PPME1: variants seen among roughly 807,000 people sequenced by gnomAD.
PPME1 encodes testicular secretory protein Li 39.
Under a neutral mutation model 56.9 loss-of-function variants are expected in PPME1, and 17 were observed. The ratio of observed to expected loss-of-function variants is 0.30; its 90% confidence interval spans 0.20 to 0.45. PPME1 has a LOEUF of 0.45. Among genes scored for constraint, PPME1 ranks in the 20% least tolerant of loss-of-function variants. The pLI is 1.00. For synonymous variants in PPME1, 122 were observed against 156.2 expected (o/e 0.78, Z 1.63); for missense variants, 357 against 483.2 (o/e 0.74, Z 2.45).
chr11:74,203,490 A>C (rs768925859), intron 1 of PPME1, among the ~76,000 whole-genome samples: 1 of 152,168 alleles, frequency 6.6e-6, no homozygotes, highest in East Asian at 1.9e-4. Context: ...TTTACTCTTA[A>C]ATCTATGTTT....
intron 1 of PPME1, among the ~76,000 whole-genome samples, chr11:74,187,936 A>T (rs1591020327): frequency 6.6e-6 from 1 of 152,324 alleles, no homozygotes; most frequent in East Asian, 1.9e-4. Flanking sequence ...GGTGTCTTTT[A>T]AAGAGAAGGA....
chr11:74,215,834 A>C (rs74480029), intron 3 of PPME1, among the ~76,000 whole-genome samples: 2,583 of 152,332 alleles, frequency 0.017, 41 homozygotes, highest in African/African-American at 0.03. Flanking sequence ...GCTGATGCAA[A>C]CTAAAAAGTG....
intron 3 of PPME1, among the ~76,000 whole-genome samples, chr11:74,206,394 G>A (rs1165029047): frequency 1.3e-5 from 2 of 152,032 alleles, no homozygotes; most frequent in East Asian, 3.8e-4. Context: ...AAGGAAAAAG[G>A]TCATATTCAC....
At chr11:74,251,776 C>T (rs889167612) in intron 13 of PPME1, 61 bp downstream of exon 13, 40 of 1,584,240 alleles carry the variant, frequency 2.5e-5, no homozygotes, top group Non-Finnish European at 3.4e-5. Flanking sequence ...CAAGCAGACA[C>T]TTGTAGGACT....
chr11:74,238,465 C>T (rs1162696438), intron 8 of PPME1: 2 of 152,172 alleles, frequency 1.3e-5, no homozygotes, highest in Non-Finnish European at 2.9e-5. Flanking sequence ...CTAGCTGTTG[C>T]CCAGGCCCTT....
chr11:74,242,963 C>T (rs1859411111), intron 9 of PPME1, among the ~76,000 whole-genome samples: 1 of 150,114 alleles, frequency 6.7e-6, no homozygotes, highest in African/African-American at 2.5e-5. Context: ...TTAAGAATGG[C>T]TTTGGGACTT....
chr11:74,203,705 GTCTC>G lies in PPME1; in HGVS notation c.102-17_102-14del. The G allele has an allele frequency of 6.3e-7, 1 of 1,582,800 alleles. No homozygotes were observed. Among genetic ancestry groups the G allele is most frequent in the East Asian group, 2.3e-5 (1 of 44,406 alleles). ...TCTTTATGCATAATTTTTCTGAAATGTCTCTCTCTTTTTTTTCCTCAGCCCTGGA... is the reference window on the plus strand; with the variant it reads ...TCTTTATGCATAATTTTTCTGAAATGTCTCTTTTTTTTCCTCAGCCCTGGA... On this transcript the variant is annotated intron_variant, in intron 1 of 13. Transcript: ENST00000328257.
At chr11:74,227,579 G>A (rs1163162619) in intron 5 of PPME1, among the ~76,000 whole-genome samples, 3 of 152,014 alleles carry the variant, frequency 2.0e-5, no homozygotes, top group Non-Finnish European at 4.4e-5. Context: ...GGGTCATTCT[G>A]ATATTCCAAT....
chr11:74,243,017 A>G (rs753219017), intron 9 of PPME1, among the ~76,000 whole-genome samples: 1 of 152,134 alleles, frequency 6.6e-6, no homozygotes, highest in Non-Finnish European at 1.5e-5. Flanking sequence ...ATGTTTTTAA[A>G]CACTTTTCCA....
At chr11:74,201,829 T>A (rs1345728736) in intron 1 of PPME1, among the ~76,000 whole-genome samples, 1 of 152,180 alleles carries the variant, frequency 6.6e-6, no homozygotes, top group African/African-American at 2.4e-5. Context: ...ATAACATGTT[T>A]GGCATGCCAT....
At chr11:74,205,663 C>A (rs1391430722) in intron 3 of PPME1, 3 of 152,182 alleles carry the variant, frequency 2.0e-5, no homozygotes, top group South Asian at 2.1e-4. Flanking sequence ...TAATGTGTTA[C>A]ACTTTTTTGT....
At chr11:74,204,323 C>T (rs752360325) in intron 2 of PPME1, 30 bp from the exon 3 acceptor site, 8 of 1,551,694 alleles carry the variant, frequency 5.2e-6, no homozygotes, top group South Asian at 3.4e-5. Flanking sequence ...TGAGCAAAAA[C>T]ATAGATGTTT....
chr11:74,190,690 G>A (rs73565806), intron 1 of PPME1, among the ~76,000 whole-genome samples: 2,630 of 152,292 alleles, frequency 0.017, 75 homozygotes, highest in African/African-American at 0.06. Flanking sequence ...ACTGGATAAC[G>A]GGCAGAGGTT....
At chr11:74,173,625 TC>T (rs1470054801) in intron 1 of PPME1, among the ~76,000 whole-genome samples, 1 of 152,208 alleles carries the variant, frequency 6.6e-6, no homozygotes, top group African/African-American at 2.4e-5. Context: ...CACTGCAACT[TC>T]CACCTCCCGG....
chr11:74,177,187 TCA>T (rs2135590209), intron 1 of PPME1, among the ~76,000 whole-genome samples: 1 of 152,248 alleles, frequency 6.6e-6, no homozygotes, highest in African/African-American at 2.4e-5. Context: ...CTGGCCAGGC[TCA>T]GTGGTCCATG....
chr11:74,229,333 A>AAT (rs1396322436), intron 5 of PPME1, among the ~76,000 whole-genome samples: 17 of 151,978 alleles, frequency 1.1e-4, no homozygotes, highest in Admixed American at 4.6e-4. Flanking sequence ...CTAGCCTAAA[A>AAT]ATATATATAT....
intron 3 of PPME1, among the ~76,000 whole-genome samples, chr11:74,206,652 C>T (rs1858334702): frequency 1.3e-5 from 2 of 152,186 alleles, no homozygotes; most frequent in African/African-American, 4.8e-5. Context: ...ACTACAACCT[C>T]AACTCCTGGG....
intron 8 of PPME1, chr11:74,238,912 G>T: frequency 2.3e-6 from 1 of 441,090 alleles, no homozygotes; most frequent in South Asian, 3.5e-5. Context: ...CTTTCTATGG[G>T]TCAGTATTGG....
chr11:74,192,730 G>C (rs1857874454), intron 1 of PPME1, among the ~76,000 whole-genome samples: 2 of 152,088 alleles, frequency 1.3e-5, no homozygotes, highest in Non-Finnish European at 2.9e-5. Flanking sequence ...TGTTTAAAAA[G>C]AGTGTGGCAC....
Sources: gnomAD v4.1 joint callset for allele counts (sites outside exome capture counted in the v4.1 genomes callset) on GRCh38, gnomAD v4.1.1 for gene constraint, MANE v1.5 for transcripts, NCBI Gene and HGNC (gene_info 2026-07-23, HGNC 2026-07-21) for gene names.